MEIKIN: variants seen among roughly 807,000 people sequenced by gnomAD.
MEIKIN encodes meiosis-specific kinetochore protein.
Position 131,898,262 on chromosome 5 carries a change from A to G in MEIKIN, c.703+13553T>C, listed in dbSNP as rs190608865. Among the ~76,000 whole-genome samples, 224 of 152,318 alleles carry G rather than the reference A, an allele frequency of 1.5e-3. 1 individual carries two copies. The highest frequency in any genetic ancestry group is 5.2e-3 in the African/African-American group (217 of 41,570). On this transcript the variant is annotated intron_variant, in intron 8 of 12. Transcript: ENST00000442687. The stretch of plus-strand genomic sequence containing the variant: ...TGCAAAACAGCAAATATTGCAGAAC[A>G]ACAAATATTGCTGCCTGATCCTTCC...
At chr5:131,926,765 T>C (rs897885706) in intron 5 of MEIKIN, among the ~76,000 whole-genome samples, 5 of 152,314 alleles carry the variant, frequency 3.3e-5, no homozygotes, top group South Asian at 2.1e-4. Context: ...TATATGTTTC[T>C]AGGAATTTCT....
intron 4 of MEIKIN, among the ~76,000 whole-genome samples, chr5:131,938,381 T>C (rs1751817335): frequency 6.6e-6 from 1 of 152,094 alleles, no homozygotes; most frequent in Non-Finnish European, 1.5e-5. Context: ...TTGCCCAGGC[T>C]GGTCTCGATC....
At chr5:131,846,632 C>A (rs967292091) in intron 11 of MEIKIN, among the ~76,000 whole-genome samples, 4 of 152,096 alleles carry the variant, frequency 2.6e-5, no homozygotes, top group East Asian at 1.9e-4. Flanking sequence ...GCCAGCCTGA[C>A]AAACATGACA....
At chr5:131,832,746 C>T (rs1038793252) in intron 11 of MEIKIN, among the ~76,000 whole-genome samples, 2 of 152,202 alleles carry the variant, frequency 1.3e-5, no homozygotes, top group African/African-American at 4.8e-5. Flanking sequence ...GGCTCAATAC[C>T]ATGTGGAAGC....
At chr5:131,825,382 TAC>T (rs1206524539) in intron 11 of MEIKIN, among the ~76,000 whole-genome samples, 4 of 152,182 alleles carry the variant, frequency 2.6e-5, no homozygotes, top group Non-Finnish European at 4.4e-5. Context: ...TACTCAGGGT[TAC>T]AGTTTATTAC....
chr5:131,882,181 T>A (rs1049081925), intron 8 of MEIKIN, among the ~76,000 whole-genome samples: 2 of 152,224 alleles, frequency 1.3e-5, no homozygotes, highest in African/African-American at 4.8e-5. Context: ...TAAAACACTA[T>A]TATCTGATCA....
At chr5:131,898,544 G>A (rs1751094320) in intron 8 of MEIKIN, among the ~76,000 whole-genome samples, 1 of 152,238 alleles carries the variant, frequency 6.6e-6, no homozygotes, top group African/African-American at 2.4e-5. Flanking sequence ...GGAGTCTATA[G>A]ACGCAGTAAG....
At chr5:131,928,144 A>C (rs1285810308) in intron 5 of MEIKIN, among the ~76,000 whole-genome samples, 1 of 65,352 alleles carries the variant, frequency 1.5e-5, no homozygotes, top group African/African-American at 9.0e-5. Flanking sequence ...ACTCCGTCTC[A>C]AAAAAAAAAA....
At chr5:131,839,342 G>A (rs908091218) in intron 11 of MEIKIN, among the ~76,000 whole-genome samples, 10 of 152,092 alleles carry the variant, frequency 6.6e-5, no homozygotes, top group Non-Finnish European at 1.0e-4. Context: ...TTTTGGGGTG[G>A]AGTGTTCTGT....
At chr5:131,826,876 C>T (rs1302560685) in intron 11 of MEIKIN, among the ~76,000 whole-genome samples, 1 of 152,156 alleles carries the variant, frequency 6.6e-6, no homozygotes, top group Non-Finnish European at 1.5e-5. Context: ...TATAAATTAC[C>T]TGGTCTCAGG....
At chr5:131,870,952 T>G (rs1750480498) in intron 9 of MEIKIN, among the ~76,000 whole-genome samples, 1 of 152,076 alleles carries the variant, frequency 6.6e-6, no homozygotes. Flanking sequence ...TGCCACAACC[T>G]CCTCAAGAAA....
intron 11 of MEIKIN, among the ~76,000 whole-genome samples, chr5:131,849,235 G>A (rs932031789): frequency 2.0e-5 from 3 of 151,988 alleles, no homozygotes; most frequent in African/African-American, 7.2e-5. Context: ...TGCTGTTCTA[G>A]TGGGGGAGTT....
chr5:131,849,359 C>G (rs2149614307), intron 11 of MEIKIN, among the ~76,000 whole-genome samples: 1 of 148,578 alleles, frequency 6.7e-6, no homozygotes. Context: ...ATAATTGGAA[C>G]CTCTTTTCTT....
In MEIKIN at chr5:131,833,230, A is replaced by G. The variant is rs566820540; in HGVS notation, c.976-14367T>C. Reference sequence around the variant, plus strand: ...ACCCTAAATCATCTCTCTCAAGTTCAACGTTCCATAAATCTCTAGGGTAGG... The same window carrying G: ...ACCCTAAATCATCTCTCTCAAGTTCGACGTTCCATAAATCTCTAGGGTAGG... On this transcript the variant is annotated intron_variant, in intron 11 of 12. Coordinates refer to ENST00000442687, the MANE Select transcript of MEIKIN (RefSeq NM_001303622.2). Among the ~76,000 whole-genome samples the G allele has an allele frequency of 2.6e-4, 39 of 152,262 alleles. No homozygotes were observed. In the East Asian group the frequency reaches 6.2e-3, roughly 24 times the overall value.
At chr5:131,863,556 CCTTTTT>C (rs1750325389) in intron 9 of MEIKIN, among the ~76,000 whole-genome samples, 2 of 42,004 alleles carry the variant, frequency 4.8e-5, no homozygotes, top group South Asian at 1.6e-3. Context: ...CCTTCTTTGT[CCTTTTT>C]TTTTTTTTTT....
At chr5:131,885,782 A>G (rs972287588) in intron 8 of MEIKIN, among the ~76,000 whole-genome samples, 5 of 152,256 alleles carry the variant, frequency 3.3e-5, no homozygotes, top group African/African-American at 9.6e-5. Context: ...ACAGAGGGGT[A>G]GAGCACCAAA....
chr5:131,879,387 C>T (rs985737403), intron 8 of MEIKIN, among the ~76,000 whole-genome samples: 5 of 151,170 alleles, frequency 3.3e-5, no homozygotes, highest in African/African-American at 1.2e-4. Context: ...TTTTCTACTA[C>T]AATTTTTTCT....
At chr5:131,885,413 G>A (rs1213077660) in intron 8 of MEIKIN, among the ~76,000 whole-genome samples, 1 of 122,686 alleles carries the variant, frequency 8.2e-6, no homozygotes, top group African/African-American at 3.5e-5. Flanking sequence ...GAGAGAGAGA[G>A]AGAGAGAGAG....
chr5:131,809,306 G>T (rs550789811), intron 12 of MEIKIN, among the ~76,000 whole-genome samples: 1 of 152,136 alleles, frequency 6.6e-6, no homozygotes, highest in East Asian at 1.9e-4. Flanking sequence ...GACTTAAAAG[G>T]CCTCCACGAT....
Sources: gnomAD v4.1 joint callset for allele counts (sites outside exome capture counted in the v4.1 genomes callset) on GRCh38, gnomAD v4.1.1 for gene constraint, MANE v1.5 for transcripts, NCBI Gene and HGNC (gene_info 2026-07-23, HGNC 2026-07-21) for gene names.